AK5: variants seen among roughly 807,000 people sequenced by gnomAD.
The protein encoded by AK5 is adenylate kinase isoenzyme 5.
AK5 carries 27 observed loss-of-function variants against 69.5 expected under a neutral mutation model. The ratio of observed to expected loss-of-function variants is 0.39; its 90% CI spans 0.29 to 0.54. The LOEUF is 0.54. Among genes scored for constraint, AK5 ranks in the 20% least tolerant of loss-of-function variants. AK5 has a pLI of 0.71. For missense variants in AK5, 531 were observed against 700.4 expected (o/e 0.76, Z 2.73); for synonymous variants, 260 against 244.4 (o/e 1.06, Z -0.60).
chr1:77,494,948 A>AT (rs1390510850), intron 10 of AK5, among the ~76,000 whole-genome samples: 1 of 151,670 alleles, frequency 6.6e-6, no homozygotes, highest in African/African-American at 2.4e-5. Context: ...CGCTCGGCTA[A>AT]TTTTTTTGTA....
At chr1:77,318,503 T>C (rs1660359400) in intron 5 of AK5, among the ~76,000 whole-genome samples, 1 of 152,178 alleles carries the variant, frequency 6.6e-6, no homozygotes, top group East Asian at 1.9e-4. Context: ...TCACACTTTC[T>C]GACTGGAAGA....
intron 10 of AK5, among the ~76,000 whole-genome samples, chr1:77,513,248 A>ACCCTTC (rs1327386807): frequency 3.3e-5 from 5 of 151,762 alleles, no homozygotes; most frequent in African/African-American, 1.2e-4. Flanking sequence ...GTGATTAATT[A>ACCCTTC]CCCTTCCCCT....
intron 6 of AK5, among the ~76,000 whole-genome samples, chr1:77,397,480 T>C (rs1446329363): frequency 6.6e-6 from 1 of 152,192 alleles, no homozygotes; most frequent in Non-Finnish European, 1.5e-5. Flanking sequence ...GGGGAAACAT[T>C]AGCACAATTT....
At chr1:77,367,675 T>G (rs954456212) in intron 6 of AK5, among the ~76,000 whole-genome samples, 312 of 29,208 alleles carry the variant, frequency 0.011, 4 homozygotes, top group South Asian at 0.016. Flanking sequence ...TTATATATAA[T>G]ATATATGTTA....
chr1:77,286,552 CA>C (rs1658362277), intron 1 of AK5, among the ~76,000 whole-genome samples: 2 of 151,842 alleles, frequency 1.3e-5, no homozygotes, highest in African/African-American at 2.4e-5. Context: ...ACTATTTTAA[CA>C]AAGGTGGGTG....
intron 11 of AK5, 32 bp downstream of exon 11, chr1:77,518,759 C>A: frequency 6.2e-7 from 1 of 1,607,398 alleles, no homozygotes; most frequent in Non-Finnish European, 8.5e-7. Context: ...ACATTACTGC[C>A]TTTCCTGTCT....
At chr1:77,482,239 G>A (rs1252675207) in intron 8 of AK5, among the ~76,000 whole-genome samples, 2 of 152,158 alleles carry the variant, frequency 1.3e-5, no homozygotes, top group African/African-American at 4.8e-5. Flanking sequence ...TGACAGAGTG[G>A]AGAAATGATA....
intron 10 of AK5, among the ~76,000 whole-genome samples, chr1:77,502,234 A>G (rs1357304217): frequency 6.6e-5 from 10 of 152,228 alleles, no homozygotes; most frequent in Non-Finnish European, 2.9e-5. Flanking sequence ...TCAGAGACTC[A>G]GGTTCCCTAT....
intron 8 of AK5, among the ~76,000 whole-genome samples, chr1:77,454,152 A>T (rs1037773378): frequency 6.6e-6 from 1 of 152,224 alleles, no homozygotes; most frequent in Non-Finnish European, 1.5e-5. Context: ...ACCACAGGAC[A>T]GTTGAGACCC....
At chr1:77,300,572 C>A (rs1206662100) in intron 5 of AK5, among the ~76,000 whole-genome samples, 1 of 152,110 alleles carries the variant, frequency 6.6e-6, no homozygotes, top group Non-Finnish European at 1.5e-5. Context: ...TTTTTTTCTG[C>A]TACCACTTCT....
chr1:77,300,595 G>T (rs1001178789), intron 5 of AK5, among the ~76,000 whole-genome samples: 1 of 152,172 alleles, frequency 6.6e-6, no homozygotes, highest in South Asian at 2.1e-4. Context: ...GACCAAATGT[G>T]TGGGGTCTTC....
intron 7 of AK5, among the ~76,000 whole-genome samples, chr1:77,411,320 A>G (rs535358554): frequency 4.3e-4 from 66 of 152,340 alleles, no homozygotes; most frequent in African/African-American, 1.5e-3. Context: ...ACAATGTAAC[A>G]TAGGGCCTAT....
chr1:77,392,577 G>T (rs369131565), intron 6 of AK5, among the ~76,000 whole-genome samples: 2 of 152,070 alleles, frequency 1.3e-5, no homozygotes, highest in Non-Finnish European at 2.9e-5. Flanking sequence ...TTTCTCTTCC[G>T]TGTGTGCCCA....
chr1:77,353,798 T>A (rs1416786263), intron 6 of AK5, among the ~76,000 whole-genome samples: 1 of 152,152 alleles, frequency 6.6e-6, no homozygotes, highest in East Asian at 1.9e-4. Flanking sequence ...TTCCAGCTAG[T>A]TTAACCCAAC....
At position 77,518,585 on chromosome 1, in the gene AK5, G is replaced by A; in HGVS notation, c.1169G>A (p.Gly390Asp). ...CAAGGTGGTCCTGGCTCTGGCAAAG[G>A]CACACAGTGTGAAAAGCTGGTGGAA... ...FIIGGPGSGKGTQCEKLVEKY... is the reference protein window; with the variant it reads ...FIIGGPGSGKDTQCEKLVEKY... The change falls in exon 11 of 14, where the codon GGC (glycine) becomes GAC (aspartate). Residue 390 changes from glycine to aspartate, a missense_variant. Transcript: ENST00000354567. 1 of 1,614,124 alleles carries A rather than the reference G, an allele frequency of 6.2e-7. No homozygotes were observed. Among genetic ancestry groups the A allele is most frequent in the Non-Finnish European group, 8.5e-7 (1 of 1,179,980 alleles).
At chr1:77,494,906 C>T (rs755307802) in intron 10 of AK5, among the ~76,000 whole-genome samples, 7 of 151,844 alleles carry the variant, frequency 4.6e-5, no homozygotes, top group Non-Finnish European at 1.0e-4. Flanking sequence ...CTCAGCCTCC[C>T]GGGTAGCTGG....
At chr1:77,388,713 C>G (rs966630843) in intron 6 of AK5, among the ~76,000 whole-genome samples, 10 of 150,588 alleles carry the variant, frequency 6.6e-5, no homozygotes, top group African/African-American at 2.5e-4. Context: ...CTATTATGCT[C>G]TACTGAAAAC....
chr1:77,385,011 A>G (rs1003784369), intron 6 of AK5, among the ~76,000 whole-genome samples: 3 of 152,172 alleles, frequency 2.0e-5, no homozygotes, highest in Middle Eastern at 3.4e-3. Flanking sequence ...CTATTCATCA[A>G]CAGCCAAAAT....
chr1:77,481,719 CCT>C (rs1557624861), intron 8 of AK5, among the ~76,000 whole-genome samples: 1 of 152,202 alleles, frequency 6.6e-6, no homozygotes, highest in Non-Finnish European at 1.5e-5. Context: ...AATGGTACAA[CCT>C]CTGTGGGGAG....
Sources: allele counts gnomAD v4.1 joint callset (sites outside exome capture counted in the v4.1 genomes callset), GRCh38; gene constraint gnomAD v4.1.1; transcripts MANE v1.5; gene names NCBI Gene and HGNC (gene_info 2026-07-23, HGNC 2026-07-21).